Variants in COL21A1 observed in about 807,000 individuals in gnomAD.
The protein encoded by COL21A1 is collagen alpha-1(XXI) chain.
In COL21A1, 149 loss-of-function variants were observed where a neutral mutation model predicts 137.9. The ratio of observed to expected loss-of-function variants is 1.08; its 90% CI spans 0.95 to 1.24. The LOEUF (loss-of-function observed/expected upper bound fraction) is 1.24. COL21A1 is among the 50% of genes most tolerant of loss of function. The pLI is 0.00. For synonymous variants in COL21A1, 456 were observed against 391.5 expected (o/e 1.16, Z -1.95); for missense variants, 1,167 against 1,158.4 (o/e 1.01, Z -0.11).
Position 56,176,261 on chromosome 6 carries a change from A to C in COL21A1, c.640+3317T>G, listed in dbSNP as rs142473603. Among the ~76,000 whole-genome samples, 218 of 152,224 alleles carry C rather than the reference A, an allele frequency of 1.4e-3. 1 individual carries two copies. The highest frequency in any genetic ancestry group is 5.0e-3 in the African/African-American group (207 of 41,550). On this transcript the variant is annotated intron_variant, in intron 3 of 29. Transcript: ENST00000244728. ...ATCACAGGCAACAAAAAAAGCAAAA[A>C]TAGACAACTGGGATTACAGCAAACT...
chr6:56,157,991 T>C (rs892907788), intron 9 of COL21A1, among the ~76,000 whole-genome samples: 3 of 152,330 alleles, frequency 2.0e-5, no homozygotes, highest in Non-Finnish European at 4.4e-5. Context: ...AACTCTTGCG[T>C]GTTGCCCAAT....
rs374060379 is a variant in COL21A1 at position 56,231,387 on chromosome 6, A to C, written c.-39+16000T>G. ...TTAAAAGTGATGAGTCACAATATTC[A>C]GTTCTTTCCTGGCGTTATTCAGCTA... On this transcript the variant is annotated intron_variant, in intron 1 of 29. Coordinates refer to ENST00000244728, the MANE Select transcript of COL21A1 (RefSeq NM_030820.4). Among the ~76,000 whole-genome samples, 27 of 151,918 alleles carry C rather than the reference A, an allele frequency of 1.8e-4. No homozygotes were observed. The South Asian group carries it at 5.6e-3, about 32-fold the overall frequency.
chr6:56,378,851 C>T (rs1445508687), intron 1 of COL21A1, among the ~76,000 whole-genome samples: 1 of 152,194 alleles, frequency 6.6e-6, no homozygotes, highest in Non-Finnish European at 1.5e-5. Context: ...TGTGTCACTC[C>T]ACCCCCAGCT....
intron 17 of COL21A1, chr6:56,091,723 C>T (rs1582308345): frequency 6.6e-6 from 1 of 152,178 alleles, no homozygotes; most frequent in Non-Finnish European, 1.5e-5. Context: ...GGATTGAGCA[C>T]CAGGACAAAA....
intron 3 of COL21A1, among the ~76,000 whole-genome samples, chr6:56,171,716 T>G (rs935736909): frequency 3.3e-5 from 5 of 151,974 alleles, no homozygotes; most frequent in Non-Finnish European, 7.4e-5. Context: ...GGGTCCCATC[T>G]ATTCATGAAA....
chr6:56,207,387 A>G lies in COL21A1; in HGVS notation c.-38-24731T>C, dbSNP rs147654874. Reference sequence around the variant, plus strand: ...TGATCCCACAGAAATACAAACTACCATCAGAGAATACTATAAACACCTCTA... The same window carrying G: ...TGATCCCACAGAAATACAAACTACCGTCAGAGAATACTATAAACACCTCTA... On this transcript the variant is annotated intron_variant, in intron 1 of 29. Transcript: ENST00000244728. 8.3e-3 allele frequency among the ~76,000 whole-genome samples: 1,259 copies of G among 152,310 alleles called. 20 individuals carry two copies. The highest frequency in any genetic ancestry group is 0.029 in the African/African-American group (1,213 of 41,562).
chr6:56,138,522 A>G (rs1033650305), intron 12 of COL21A1, among the ~76,000 whole-genome samples: 2 of 152,024 alleles, frequency 1.3e-5, no homozygotes, highest in Non-Finnish European at 2.9e-5. Flanking sequence ...GGAGAAATCT[A>G]GGAGCATGTG....
chr6:56,119,439 T>G (rs1056654411), intron 16 of COL21A1, among the ~76,000 whole-genome samples: 1 of 152,134 alleles, frequency 6.6e-6, no homozygotes, highest in African/African-American at 2.4e-5. Context: ...ATATTTCATG[T>G]TCATGGGTTT....
chr6:56,187,217 C>T (rs192401143), intron 1 of COL21A1, among the ~76,000 whole-genome samples: 4 of 152,192 alleles, frequency 2.6e-5, no homozygotes, highest in Non-Finnish European at 5.9e-5. Flanking sequence ...GGAGAGAGAA[C>T]CTACCTGGCT....
intron 1 of COL21A1, among the ~76,000 whole-genome samples, chr6:56,358,080 T>C (rs997237755): frequency 6.6e-6 from 1 of 152,246 alleles, no homozygotes; most frequent in Non-Finnish European, 1.5e-5. Flanking sequence ...AATGACATTC[T>C]ATGTGATATT....
rs34338247 is a variant in COL21A1 at position 56,393,050 on chromosome 6, CAA to C, written c.-39+919_-39+920del. ...CCAGGATAACTAAAGCAATCCTTAGCAAAAAAAAAAAAAGAAAACTGAAGGAA... is the reference window on the plus strand; with the variant it reads ...CCAGGATAACTAAAGCAATCCTTAGCAAAAAAAAAAAGAAAACTGAAGGAA... On this transcript the variant is annotated intron_variant, in intron 1 of 28. Coordinates refer to the COL21A1 transcript ENST00000370819. Among the ~76,000 whole-genome samples the C allele has an allele frequency of 5.7e-4, 70 of 123,794 alleles. 1 individual carries two copies. In the South Asian group the frequency reaches 0.013, roughly 24 times the overall value. 81.2% of individuals were successfully genotyped at this position (123,794 alleles called of 152,430 possible). A position where few individuals can be genotyped will look rare whatever the true frequency, so the allele number is the denominator to read the frequency against.
intron 17 of COL21A1, among the ~76,000 whole-genome samples, chr6:56,079,404 T>C (rs1010988624): frequency 6.6e-6 from 1 of 151,820 alleles, no homozygotes; most frequent in Middle Eastern, 3.4e-3. Context: ...CCTGTGCCCT[T>C]ACACAGTCTG....
chr6:56,358,232 T>C (rs1261016977), intron 1 of COL21A1, among the ~76,000 whole-genome samples: 2 of 152,182 alleles, frequency 1.3e-5, no homozygotes, highest in Non-Finnish European at 2.9e-5. Context: ...TAGTCCATTC[T>C]CAACGAGATG....
chr6:56,099,218 A>G (rs1031193792), intron 17 of COL21A1, among the ~76,000 whole-genome samples: 1 of 149,428 alleles, frequency 6.7e-6, no homozygotes, highest in Non-Finnish European at 1.5e-5. Context: ...CACAGTCACA[A>G]ACTAAATTTT....
chr6:56,096,466 A>G (rs1769334684), intron 17 of COL21A1, among the ~76,000 whole-genome samples: 1 of 152,222 alleles, frequency 6.6e-6, no homozygotes, highest in African/African-American at 2.4e-5. Flanking sequence ...CTGGTGTTAG[A>G]CCTGAGTTTA....
At chr6:56,239,767 C>A (rs1454451654) in intron 1 of COL21A1, among the ~76,000 whole-genome samples, 8 of 152,098 alleles carry the variant, frequency 5.3e-5, no homozygotes, top group African/African-American at 1.9e-4. Flanking sequence ...CAATGTGTCC[C>A]CTCCAAAATT....
chr6:56,168,252 C>T lies in COL21A1; in HGVS notation c.1072G>A (p.Glu358Lys), dbSNP rs375705630. The T allele has an allele frequency of 1.9e-6, 3 of 1,567,458 alleles. No individual in the cohort carries two copies. Among genetic ancestry groups the T allele is most frequent in the South Asian group, 1.2e-5 (1 of 82,016 alleles). Residue 358 changes from glutamate to lysine, a missense_variant, in exon 6 of 30, where the codon GAA (glutamate) becomes AAA (lysine). Coordinates refer to ENST00000244728, the MANE Select transcript of COL21A1 (RefSeq NM_030820.4). ...TCAATATACAAAGTCACATCTTGTTCTGTTACTAAGAGACGAATTTGGTGC... is the reference window on the plus strand; with the variant it reads ...TCAATATACAAAGTCACATCTTGTTTTGTTACTAAGAGACGAATTTGGTGC... Reference protein sequence around the residue: ...GWHQIRLLVTEQDVTLYIDDQ... With the variant: ...GWHQIRLLVTKQDVTLYIDDQ...
Position 56,124,275 on chromosome 6 carries a change from C to A in COL21A1, c.1668G>T (p.Lys556Asn). ...GGAGGCCAGGGAAGCCAGCATTCCC[C>A]TTTTCACCTTTTGCACCCTGTATCG... ...FYGKKGAKGE[K>N]GNAGFPGLPG... is the part of the protein sequence containing the mutation. Residue 556 changes from lysine (K) to asparagine (N), a missense_variant, in exon 15 of 30, where the codon AAG becomes AAT. Lys to Asn is a moderately conservative substitution (Grantham distance 94). Transcript: ENST00000244728. 1 of 1,603,684 alleles carries A rather than the reference C, an allele frequency of 6.2e-7. No individual in the cohort carries two copies. Among genetic ancestry groups the A allele is most frequent in the Non-Finnish European group, 8.5e-7 (1 of 1,174,766 alleles).
intron 10 of COL21A1, among the ~76,000 whole-genome samples, 159 bp downstream of exon 10, chr6:56,156,728 A>G (rs1003032528): frequency 1.6e-4 from 24 of 152,170 alleles, no homozygotes; most frequent in African/African-American, 5.8e-4. Context: ...CACACACCCT[A>G]GCTCCTTTCG....
Sources: allele counts gnomAD v4.1 joint callset (sites outside exome capture counted in the v4.1 genomes callset), GRCh38; gene constraint gnomAD v4.1.1; transcripts MANE v1.5; gene names NCBI Gene and HGNC (gene_info 2026-07-23, HGNC 2026-07-21).